The following ESRRG variants were observed in gnomAD, a reference collection of about 807,000 sequenced individuals.
ESRRG encodes the protein estrogen related receptor gamma, also known as estrogen-related receptor gamma.
ESRRG carries 13 observed loss-of-function variants against 44.0 expected under a neutral mutation model. The observed-to-expected ratio is 0.30, with a 90% CI of 0.19 to 0.47. ESRRG has a LOEUF of 0.47. ESRRG is among the 20% of genes least tolerant of loss of function. The pLI, the probability that ESRRG is intolerant of heterozygous loss-of-function variation, is 1.00. For missense variants in ESRRG, 395 were observed against 580.6 expected (o/e 0.68, Z 3.29); for synonymous variants, 215 against 214.6 (o/e 1.00, Z -0.02).
chr1:216,660,240 C>A (rs1273703474), intron 2 of ESRRG, among the ~76,000 whole-genome samples: 3 of 152,170 alleles, frequency 2.0e-5, no homozygotes, highest in African/African-American at 7.2e-5. Flanking sequence ...GGCTAGTTAA[C>A]TGCAGAAATG....
intron 2 of ESRRG, among the ~76,000 whole-genome samples, chr1:216,674,615 CTTTTT>C (rs5780904): frequency 1.6e-5 from 2 of 127,934 alleles, no homozygotes. Flanking sequence ...TTTGGGTAAA[CTTTTT>C]TTTTTTTTTT....
intron 1 of ESRRG, among the ~76,000 whole-genome samples, chr1:216,982,542 G>A (rs979336405): frequency 6.6e-6 from 1 of 152,060 alleles, no homozygotes; most frequent in Admixed American, 6.6e-5. Flanking sequence ...AGGGTGACAA[G>A]GGCAATTTCT....
chr1:216,872,816 T>C (rs976899627), intron 2 of ESRRG, among the ~76,000 whole-genome samples: 1 of 152,200 alleles, frequency 6.6e-6, no homozygotes, highest in Admixed American at 6.5e-5. Flanking sequence ...ATCTGTTCAT[T>C]GCCTTCTTGA....
intron 2 of ESRRG, among the ~76,000 whole-genome samples, chr1:216,809,599 T>C (rs1223225178): frequency 6.6e-6 from 1 of 152,200 alleles, no homozygotes; most frequent in Non-Finnish European, 1.5e-5. Context: ...GTTATGTTGT[T>C]CTCCATAAAA....
intron 2 of ESRRG, among the ~76,000 whole-genome samples, chr1:216,804,261 C>A (rs2094715129): frequency 6.6e-6 from 1 of 152,054 alleles, no homozygotes; most frequent in Non-Finnish European, 1.5e-5. Context: ...GCCTAACAAC[C>A]CCGGGCCGGC....
At chr1:216,882,834 A>G (rs1490694232) in intron 2 of ESRRG, among the ~76,000 whole-genome samples, 1 of 152,064 alleles carries the variant, frequency 6.6e-6, no homozygotes, top group African/African-American at 2.4e-5. Context: ...ATAATAAGAA[A>G]CCTAATCACT....
intron 2 of ESRRG, among the ~76,000 whole-genome samples, chr1:216,883,310 G>A (rs1239054963): frequency 2.7e-5 from 4 of 149,166 alleles, no homozygotes; most frequent in Non-Finnish European, 5.9e-5. Context: ...GTTTGAACCT[G>A]GGAGGCGGAG....
chr1:216,553,413 TG>T (rs2056862301), intron 5 of ESRRG, among the ~76,000 whole-genome samples: 1 of 152,196 alleles, frequency 6.6e-6, no homozygotes, highest in African/African-American at 2.4e-5. Context: ...GTTGCTGACC[TG>T]GACATTCAGT....
rs778665851 is a variant in ESRRG, at chr1:216,510,881, AAAG to A, written c.1133-3701_1133-3699del. Among the ~76,000 whole-genome samples the A allele has an allele frequency of 1.3e-4, 20 of 152,304 alleles. No individual in the cohort carries two copies. In the East Asian group the frequency reaches 2.1e-3, roughly 16 times the overall value. ...AGAGCCAGACTCCGTCTCAAAAAAAAAAGAAGAAAACATTAATCATTGTGTGCA... is the reference window on the plus strand; with the variant it reads ...AGAGCCAGACTCCGTCTCAAAAAAAAAAGAAAACATTAATCATTGTGTGCA... On this transcript the variant is annotated intron_variant, in intron 6 of 6. Coordinates refer to ENST00000408911, the MANE Select transcript of ESRRG (RefSeq NM_001438.4).
At chr1:216,680,698 A>T (rs2076890928) in intron 1 of ESRRG, among the ~76,000 whole-genome samples, 1 of 152,186 alleles carries the variant, frequency 6.6e-6, no homozygotes. Context: ...CACTTCCTAG[A>T]CACTATTATA....
intron 2 of ESRRG, among the ~76,000 whole-genome samples, chr1:216,910,726 T>G (rs183157134): frequency 6.6e-6 from 1 of 152,198 alleles, no homozygotes; most frequent in South Asian, 2.1e-4. Flanking sequence ...ACTGACTATA[T>G]GGAGACTCTA....
At chr1:217,042,958 A>G (rs1320427687) in intron 1 of ESRRG, among the ~76,000 whole-genome samples, 1 of 152,098 alleles carries the variant, frequency 6.6e-6, no homozygotes, top group East Asian at 1.9e-4. Context: ...GGGACAGGAC[A>G]TTAATGACAC....
rs538252501 is a variant in ESRRG at position 216,625,694 on chromosome 1, G to A, written c.589+25279C>T. Among the ~76,000 whole-genome samples, 3 of 152,226 alleles carry A rather than the reference G, an allele frequency of 2.0e-5. No homozygotes were observed. In the South Asian group the frequency reaches 6.2e-4, roughly 32 times the overall value. ...CAAGCCTTTTAACTTCTGTGTCTTC[G>A]TGTCCATCATTATCTGTAAGATGGG... On this transcript the variant is annotated intron_variant, in intron 3 of 6. Coordinates refer to ENST00000408911, the MANE Select transcript of ESRRG (RefSeq NM_001438.4).
At chr1:216,523,435 T>C (rs1230684085) in intron 5 of ESRRG, among the ~76,000 whole-genome samples, 2 of 151,990 alleles carry the variant, frequency 1.3e-5, no homozygotes, top group East Asian at 1.9e-4. Context: ...TCTTGCCTTC[T>C]TCTACTGGAA....
Position 216,689,822 on chromosome 1 carries a change from G to GCAACACTCTTAATATTTTCATTAT in ESRRG, c.57-12332_57-12331insATAATGAAAATATTAAGAGTGTTG, listed in dbSNP as rs566046904. ...GATTATACAGATGAAAAAACATAAG[G>GCAACACTCTTAATATTTTCATTAT]TCAATAAGTAATGTGCTAATTCTGA... On this transcript the variant is annotated intron_variant, in intron 1 of 6. Coordinates refer to ENST00000408911, the MANE Select transcript of ESRRG (RefSeq NM_001438.4). Among the ~76,000 whole-genome samples the GCAACACTCTTAATATTTTCATTAT allele has an allele frequency of 9.5e-3, 1,445 of 151,990 alleles. 19 individuals are homozygous for GCAACACTCTTAATATTTTCATTAT. The highest frequency in any genetic ancestry group is 0.033 in the African/African-American group (1,368 of 41,460).
At chr1:217,070,605 C>A (rs753104891) in intron 1 of ESRRG, among the ~76,000 whole-genome samples, 17 of 152,288 alleles carry the variant, frequency 1.1e-4, no homozygotes, top group South Asian at 2.1e-4. Flanking sequence ...GGTCTCGAAC[C>A]CCTGACCTCA....
chr1:216,903,588 G>A (rs2059345334), intron 2 of ESRRG, among the ~76,000 whole-genome samples: 1 of 151,968 alleles, frequency 6.6e-6, no homozygotes, highest in Non-Finnish European at 1.5e-5. Context: ...AGCAGGCAGT[G>A]GAACCCTGTA....
chr1:216,762,091 T>C (rs762096238), intron 2 of ESRRG, among the ~76,000 whole-genome samples: 2 of 152,050 alleles, frequency 1.3e-5, no homozygotes, highest in Non-Finnish European at 2.9e-5. Flanking sequence ...TTCCTTCAAA[T>C]AGGCAAAATG....
chr1:217,124,682 G>T (rs1460488693), intron 1 of ESRRG, among the ~76,000 whole-genome samples: 2 of 152,126 alleles, frequency 1.3e-5, no homozygotes, highest in Non-Finnish European at 2.9e-5. Flanking sequence ...GCCACTGCCT[G>T]AGGAAAAGAA....
Sources: gnomAD v4.1 joint callset for allele counts (sites outside exome capture counted in the v4.1 genomes callset) on GRCh38, gnomAD v4.1.1 for gene constraint, MANE v1.5 for transcripts, NCBI Gene and HGNC (gene_info 2026-07-23, HGNC 2026-07-21) for gene names.